Variants in MAPK10 observed in about 807,000 individuals in gnomAD.
MAPK10 encodes the protein mitogen-activated protein kinase 10.
A neutral mutation model predicts 59.3 loss-of-function variants in MAPK10; 25 were observed. The observed-to-expected ratio is 0.42, with a 90% CI of 0.31 to 0.59. The LOEUF is 0.59. MAPK10 is among the 20% of genes least tolerant of loss of function. The pLI is 0.15. For synonymous variants in MAPK10, 190 were observed against 200.5 expected (o/e 0.95, Z 0.44); for missense variants, 351 against 568.9 (o/e 0.62, Z 3.90).
rs186752949 is a variant in MAPK10, at chr4:86,173,457, T to C, written c.67-13990A>G. Among the ~76,000 whole-genome samples, 529 of 152,088 alleles carry C rather than the reference T, an allele frequency of 3.5e-3. 5 individuals carry two copies. Among genetic ancestry groups the C allele is most frequent in the African/African-American group, 0.012 (504 of 41,492 alleles). ...ACCTGGACCCCTTCCTTACACCTTA[T>C]ACAAAAATTAACTCGAGATGGATTA... is the stretch of plus-strand genomic sequence containing the variant. On this transcript the variant is annotated intron_variant, in intron 3 of 13. Transcript: ENST00000641462.
intron 1 of MAPK10, among the ~76,000 whole-genome samples, chr4:86,397,148 G>T (rs1165116329): frequency 2.0e-5 from 3 of 152,042 alleles, no homozygotes; most frequent in African/African-American, 4.8e-5. Context: ...AAACAGATCA[G>T]GAAAGAAATA....
chr4:86,099,791 T>A (rs1275278014), intron 8 of MAPK10: 7 of 152,258 alleles, frequency 4.6e-5, no homozygotes, highest in Non-Finnish European at 1.5e-5. Flanking sequence ...TGTTTCTCCT[T>A]TGACTTTTTA....
At chr4:86,243,066 T>C (rs905275510) in intron 2 of MAPK10, among the ~76,000 whole-genome samples, 1 of 151,714 alleles carries the variant, frequency 6.6e-6, no homozygotes, top group African/African-American at 2.4e-5. Flanking sequence ...GGGAGGGGGG[T>C]CCCCTTCCCC....
chr4:86,496,841 G>A (rs928580048), intron 1 of MAPK10, among the ~76,000 whole-genome samples: 1 of 152,042 alleles, frequency 6.6e-6, no homozygotes, highest in Non-Finnish European at 1.5e-5. Flanking sequence ...CTTTGCTGGA[G>A]GGCTAAGCAC....
At chr4:86,235,711 A>G (rs1357991563) in intron 2 of MAPK10, among the ~76,000 whole-genome samples, 2 of 152,174 alleles carry the variant, frequency 1.3e-5, no homozygotes, top group Admixed American at 1.3e-4. Flanking sequence ...TACTGTGAAC[A>G]AAGTGATGAC....
At chr4:86,474,786 C>A (rs1027905070) in intron 1 of MAPK10, among the ~76,000 whole-genome samples, 5 of 152,104 alleles carry the variant, frequency 3.3e-5, no homozygotes, top group Non-Finnish European at 7.4e-5. Context: ...GGCCTCTGAG[C>A]CCAAGCTAAG....
intron 4 of MAPK10, among the ~76,000 whole-genome samples, chr4:86,148,928 A>C (rs1345032373): frequency 6.6e-6 from 1 of 152,210 alleles, no homozygotes; most frequent in African/African-American, 2.4e-5. Flanking sequence ...AAATATTTGA[A>C]GGGTAGAGAC....
At chr4:86,121,367 C>T (rs2059216299) in intron 4 of MAPK10, among the ~76,000 whole-genome samples, 1 of 152,036 alleles carries the variant, frequency 6.6e-6, no homozygotes, top group African/African-American at 2.4e-5. Flanking sequence ...TTTATAAGGG[C>T]ACTAATATCA....
intron 2 of MAPK10, among the ~76,000 whole-genome samples, chr4:86,334,574 C>T (rs1300557512): frequency 6.6e-6 from 1 of 152,028 alleles, no homozygotes; most frequent in African/African-American, 2.4e-5. Flanking sequence ...ACACAACTTT[C>T]ATCTCTTCAA....
At chr4:86,136,366 G>C (rs1483157115) in intron 4 of MAPK10, among the ~76,000 whole-genome samples, 1 of 152,096 alleles carries the variant, frequency 6.6e-6, no homozygotes, top group Non-Finnish European at 1.5e-5. Flanking sequence ...CCAGAAGAGA[G>C]TGGGGGCCAA....
chr4:86,526,007 T>G (rs1757449745), intron 1 of MAPK10, among the ~76,000 whole-genome samples: 1 of 151,914 alleles, frequency 6.6e-6, no homozygotes, highest in African/African-American at 2.4e-5. Flanking sequence ...CTCTCTTCAT[T>G]ATAGATATTG....
chr4:86,085,756 G>C (rs1397740217), intron 9 of MAPK10, among the ~76,000 whole-genome samples: 1 of 152,194 alleles, frequency 6.6e-6, no homozygotes, highest in Non-Finnish European at 1.5e-5. Context: ...ATAAACAAAA[G>C]AAAGGAAATC....
At chr4:86,085,709 A>G (rs1284430563) in intron 9 of MAPK10, among the ~76,000 whole-genome samples, 1 of 152,182 alleles carries the variant, frequency 6.6e-6, no homozygotes, top group African/African-American at 2.4e-5. Flanking sequence ...CTAAAAATAG[A>G]GCTACCATAT....
intron 11 of MAPK10, among the ~76,000 whole-genome samples, chr4:86,053,025 G>T (rs1008933505): frequency 6.6e-6 from 1 of 152,002 alleles, no homozygotes; most frequent in East Asian, 1.9e-4. Flanking sequence ...GTATTTAAAA[G>T]TTCATCATGC....
chr4:86,150,685 C>T (rs574254528), intron 4 of MAPK10, among the ~76,000 whole-genome samples: 4 of 152,230 alleles, frequency 2.6e-5, no homozygotes, highest in Admixed American at 2.6e-4. Context: ...CACGGTGAAA[C>T]CCCGTCTCTA....
intron 3 of MAPK10, among the ~76,000 whole-genome samples, chr4:86,180,373 A>T (rs1375727803): frequency 6.6e-6 from 1 of 151,884 alleles, no homozygotes; most frequent in Admixed American, 6.6e-5. Flanking sequence ...GCTCTTATAC[A>T]CTGTTGGTGG....
intron 2 of MAPK10, among the ~76,000 whole-genome samples, chr4:86,340,106 C>T (rs1013725017): frequency 6.6e-6 from 1 of 152,198 alleles, no homozygotes; most frequent in Non-Finnish European, 1.5e-5. Flanking sequence ...TAAAGTTTTG[C>T]TCTGTGCCAG....
chr4:86,135,107 G>A (rs892334359), intron 4 of MAPK10, among the ~76,000 whole-genome samples: 14 of 152,316 alleles, frequency 9.2e-5, no homozygotes, highest in African/African-American at 3.4e-4. Context: ...CGAGGCTGGG[G>A]GAGGGGCGCC....
chr4:86,189,975 G>A (rs779936022), intron 3 of MAPK10, among the ~76,000 whole-genome samples: 3 of 151,954 alleles, frequency 2.0e-5, no homozygotes, highest in Admixed American at 2.0e-4. Flanking sequence ...GAATTTTATC[G>A]AAGGCCTTTT....
Sources: gnomAD v4.1 joint callset for allele counts (sites outside exome capture counted in the v4.1 genomes callset) on GRCh38, gnomAD v4.1.1 for gene constraint, MANE v1.5 for transcripts, NCBI Gene and HGNC (gene_info 2026-07-23, HGNC 2026-07-21) for gene names.